CDH3: variants seen among roughly 807,000 people sequenced by gnomAD.
CDH3 encodes cadherin 3.
Under a neutral mutation model 82.0 loss-of-function variants are expected in CDH3, and 54 were observed. The ratio of observed to expected loss-of-function variants is 0.66; its 90% CI spans 0.53 to 0.83. The LOEUF (loss-of-function observed/expected upper bound fraction) is 0.83, where lower values mean the gene tolerates loss of function less well. CDH3 is among the 40% of genes least tolerant of loss of function. The pLI is 0.00. For missense variants in CDH3, 1,054 were observed against 1,084.6 expected (o/e 0.97, Z 0.40); for synonymous variants, 446 against 437.9 (o/e 1.02, Z -0.23).
At chr16:68,728,774 G>C (rs993351758), downstream of CDH3, among the ~76,000 whole-genome samples, 1 of 152,182 alleles carries the variant, frequency 6.6e-6, no homozygotes, top group Non-Finnish European at 1.5e-5. Context: ...TGGAGAATTT[G>C]ATAATGGAGA....
intron 2 of CDH3, among the ~76,000 whole-genome samples, chr16:68,650,327 G>A (rs1181424333): frequency 2.6e-5 from 4 of 152,010 alleles, no homozygotes; most frequent in South Asian, 4.2e-4. Context: ...TTTTTGAGAC[G>A]GAGTTTTGCT....
chr16:68,725,196 TC>T (rs1287018129), intron 2 of CDH3, among the ~76,000 whole-genome samples: 3 of 152,196 alleles, frequency 2.0e-5, no homozygotes, highest in Admixed American at 1.3e-4. Flanking sequence ...CTTAACTCAC[TC>T]CACTTAAGTT....
chr16:68,694,554 G>A (rs113307742), intron 13 of CDH3, among the ~76,000 whole-genome samples: 2 of 151,196 alleles, frequency 1.3e-5, no homozygotes, highest in African/African-American at 2.4e-5. Flanking sequence ...CCTGGGAGGC[G>A]GAGGTTGCAG....
chr16:68,721,453 C>T (rs981610882), intron 1 of CDH3, among the ~76,000 whole-genome samples: 4 of 151,858 alleles, frequency 2.6e-5, no homozygotes, highest in Non-Finnish European at 4.4e-5. Flanking sequence ...AGGCTGGTCT[C>T]GAACTCCTAA....
rs749905974 is a variant in CDH3, at chr16:68,679,768, G to T, written c.692-31G>T. Reference sequence around the variant, plus strand: ...GTAGACAGGGCTGGAGTTGGAACTGGGAGGAAAAGATACTCATCCCTTCTC... The same window carrying T: ...GTAGACAGGGCTGGAGTTGGAACTGTGAGGAAAAGATACTCATCCCTTCTC... On this transcript the variant is annotated intron_variant, in intron 6 of 15. Coordinates refer to ENST00000264012, the MANE Select transcript of CDH3 (RefSeq NM_001793.6). 3.3e-6 allele frequency: 5 copies of T among 1,524,134 alleles called. No individual in the cohort carries two copies. The South Asian group carries it at 5.6e-5, about 17-fold the overall frequency. The allele number at this position is 1,524,134 out of a possible 1,614,324, so 94.4% of individuals were successfully genotyped here.
At chr16:68,662,861 A>C (rs1351099510) in intron 2 of CDH3, among the ~76,000 whole-genome samples, 1 of 109,618 alleles carries the variant, frequency 9.1e-6, no homozygotes. Context: ...TGGATTTTTT[A>C]AAGTTTTTTT....
chr16:68,645,518 G>C, intron 1 of CDH3, 94 bp downstream of exon 1: 3 of 1,479,014 alleles, frequency 2.0e-6, no homozygotes, highest in Non-Finnish European at 2.8e-6. Flanking sequence ...AGAGCGCGGG[G>C]CTGCGCTCCC....
At chr16:68,650,012 C>T (rs1036152157) in intron 2 of CDH3, among the ~76,000 whole-genome samples, 4 of 151,166 alleles carry the variant, frequency 2.6e-5, no homozygotes, top group African/African-American at 9.7e-5. Context: ...CCAGCCTGGG[C>T]AACAGAGTGA....
rs1211709156 is a variant in CDH3 at position 68,682,495 on chromosome 16, A to G, written c.1182+8A>G. 1.2e-6 allele frequency: 2 copies of G among 1,613,828 alleles called. No individual in the cohort carries two copies. Among genetic ancestry groups the G allele is most frequent in the Non-Finnish European group, 8.5e-7 (1 of 1,179,938 alleles). The stretch of plus-strand genomic sequence containing the variant: ...ATCCTGACAACCAGGAAGGTGAGTC[A>G]GTTCGGGCCTCAGACAATGGCTATA... On this transcript the variant is annotated splice_region_variant and intron_variant, in intron 9 of 15. Coordinates refer to ENST00000264012, the MANE Select transcript of CDH3 (RefSeq NM_001793.6).
Position 68,695,944 on chromosome 16 carries a change from C to T in CDH3, c.2280+21C>T, listed in dbSNP as rs534023708. The T allele has an allele frequency of 2.0e-5, 32 of 1,613,114 alleles. 1 individual carries two copies. The South Asian group carries it at 3.2e-4, about 16-fold the overall frequency. On this transcript the variant is annotated intron_variant, in intron 15 of 15. Transcript: ENST00000264012. Reference sequence around the variant, plus strand: ...TTGAGGTGAGGCGTGGCAGGCCAGTCGAGGGCCACCCTTTATTCAAGCCCA... The same window carrying T: ...TTGAGGTGAGGCGTGGCAGGCCAGTTGAGGGCCACCCTTTATTCAAGCCCA...
In CDH3 at chr16:68,678,159, A is replaced by G; in HGVS notation, c.272A>G (p.Asn91Ser). The G allele has an allele frequency of 6.2e-7, 1 of 1,614,072 alleles. No individual in the cohort carries two copies. Among genetic ancestry groups the G allele is most frequent in the Non-Finnish European group, 8.5e-7 (1 of 1,179,930 alleles). Residue 91 changes from asparagine to serine, a missense_variant, in exon 4 of 16, where the codon AAT becomes AGT. By Grantham distance (46) the Asn-to-Ser change is conservative (BLOSUM62 1). Transcript: ENST00000264012. ...VQERRSLKER[N>S]PLKIFPSKRI... ...GAAAGAAGGTCACTGAAGGAAAGGAATCCATTGAAGATCTTCCCATCCAAA... is the reference window on the plus strand; with the variant it reads ...GAAAGAAGGTCACTGAAGGAAAGGAGTCCATTGAAGATCTTCCCATCCAAA...
Position 68,698,504 on chromosome 16 carries a change from G to A in CDH3, c.*104G>A. The A allele has an allele frequency of 9.6e-7, 1 of 1,045,932 alleles. No homozygotes were observed. Among genetic ancestry groups the A allele is most frequent in the Non-Finnish European group, 1.5e-6 (1 of 687,836 alleles). The allele number at this position is 1,045,932 out of a possible 1,614,324, so 64.8% of individuals were successfully genotyped here. A position where few individuals can be genotyped will look rare whatever the true frequency, so the allele number is the denominator to read the frequency against. On this transcript the variant is annotated 3_prime_UTR_variant, in exon 16 of 16. Coordinates refer to ENST00000264012, the MANE Select transcript of CDH3 (RefSeq NM_001793.6). ...AGGACTTCGGAGCTTGTCAGGAAGT[G>A]GCCGTAGCAACTTGGCGGAGACAGG...
At chr16:68,724,304 T>G (rs147842711) in intron 2 of CDH3, among the ~76,000 whole-genome samples, 1 of 151,854 alleles carries the variant, frequency 6.6e-6, no homozygotes, top group African/African-American at 2.4e-5. Flanking sequence ...ATTTAGACTA[T>G]ATAGACTTTA....
chr16:68,716,543 C>T (rs533313867), intron 1 of CDH3, among the ~76,000 whole-genome samples: 1 of 149,988 alleles, frequency 6.7e-6, no homozygotes, highest in African/African-American at 2.5e-5. Context: ...TTTACTTGAG[C>T]CCAGGAGTTT....
intron 1 of CDH3, among the ~76,000 whole-genome samples, chr16:68,716,660 C>T (rs796627603): frequency 7.3e-4 from 105 of 143,210 alleles, no homozygotes; most frequent in African/African-American, 2.5e-3. Flanking sequence ...AAACTGATAA[C>T]AGTAGTTGCC....
intron 2 of CDH3, chr16:68,651,189 G>A: frequency 2.0e-6 from 1 of 507,938 alleles, no homozygotes; most frequent in Non-Finnish European, 4.0e-6. Flanking sequence ...GGCTGCTCTG[G>A]TTAGCACCCT....
intron 1 of CDH3, among the ~76,000 whole-genome samples, chr16:68,716,428 C>T (rs9927329): frequency 0.24 from 36,514 of 151,138 alleles, 4,577 homozygotes; most frequent in Admixed American, 0.28. Flanking sequence ...CGAGACCAGG[C>T]TGGGCAACAT....
chr16:68,687,633 G>A lies in CDH3; in HGVS notation c.1692G>A (p.Val564=). Residue 564 remains valine (V), a synonymous_variant, in exon 12 of 16, where the codon GTG becomes GTA. Coordinates refer to ENST00000264012, the MANE Select transcript of CDH3 (RefSeq NM_001793.6). ...GCAACCAAAGCCCTGTGCGCCAGGTGCTGAACATCACGGACAAGGACCTGT... is the reference window on the plus strand; with the variant it reads ...GCAACCAAAGCCCTGTGCGCCAGGTACTGAACATCACGGACAAGGACCTGT... The part of the protein sequence containing the change: ...TICNQSPVRQ[V]LNITDKDLSP... The A allele has an allele frequency of 6.2e-7, 1 of 1,614,090 alleles. No individual in the cohort carries two copies. The highest frequency in any genetic ancestry group is 1.1e-5 in the South Asian group (1 of 91,060).
downstream of CDH3, among the ~76,000 whole-genome samples, chr16:68,702,822 G>A (rs1597825251): frequency 6.6e-6 from 1 of 151,840 alleles, no homozygotes; most frequent in Non-Finnish European, 1.5e-5. Context: ...CCGAGATCAC[G>A]CCATTGCACT....
Sources: gnomAD v4.1 joint callset for allele counts (sites outside exome capture counted in the v4.1 genomes callset) on GRCh38, gnomAD v4.1.1 for gene constraint, MANE v1.5 for transcripts, NCBI Gene and HGNC (gene_info 2026-07-23, HGNC 2026-07-21) for gene names.